FRMPD1: variants seen among roughly 807,000 people sequenced by gnomAD.
The protein encoded by FRMPD1 is FERM and PDZ domain-containing protein 1.
In FRMPD1, 76 loss-of-function variants were observed where a neutral mutation model predicts 117.8. The observed-to-expected ratio is 0.65, with a 90% confidence interval of 0.54 to 0.78. The LOEUF (loss-of-function observed/expected upper bound fraction) is 0.78. Among genes scored for constraint, FRMPD1 ranks in the 30% least tolerant of loss-of-function variants. The probability of loss-of-function intolerance (pLI) is 0.00; values close to 1 mark genes in which losing one functional copy is unlikely to be tolerated. For synonymous variants in FRMPD1, 783 were observed against 770.4 expected, an observed-to-expected ratio of 1.02 and a Z score of -0.27; for missense variants, 1,786 against 1,964.5, an observed-to-expected ratio of 0.91 and a Z score of 1.72.
chr9:37,647,881 T>C (rs909940628), upstream of FRMPD1, among the ~76,000 whole-genome samples: 1 of 152,198 alleles, frequency 6.6e-6, no homozygotes, highest in Non-Finnish European at 1.5e-5. Context: ...GAAGCAATAA[T>C]AGCTTATGTA....
chr9:37,715,018 G>A (rs889935269), intron 5 of FRMPD1, among the ~76,000 whole-genome samples: 3 of 152,126 alleles, frequency 2.0e-5, no homozygotes, highest in Non-Finnish European at 2.9e-5. Flanking sequence ...CATTGTTGTC[G>A]TGGTAGATTC....
the FRMPD1 span, among the ~76,000 whole-genome samples, chr9:37,605,930 G>C: frequency 1.4e-3 from 215 of 152,074 alleles, no homozygotes; most frequent in Non-Finnish European, 2.6e-3. Context: ...TGGTCTTGAA[G>C]TCCTGGGCTC....
At chr9:37,603,844 A>G in the FRMPD1 span, among the ~76,000 whole-genome samples, 1 of 151,968 alleles carries the variant, frequency 6.6e-6, no homozygotes, top group Non-Finnish European at 1.5e-5. Context: ...ACGCCCGGCT[A>G]ATTTTTTGTA....
chr9:37,727,104 C>A (rs1034404036), intron 7 of FRMPD1, among the ~76,000 whole-genome samples: 1 of 152,234 alleles, frequency 6.6e-6, no homozygotes, highest in Middle Eastern at 3.4e-3. Flanking sequence ...TTGGGATAAG[C>A]AGCAGAAGAT....
At chr9:37,716,359 G>T (rs1823118423) in intron 5 of FRMPD1, among the ~76,000 whole-genome samples, 2 of 152,180 alleles carry the variant, frequency 1.3e-5, no homozygotes, top group African/African-American at 4.8e-5. Context: ...CTGTCATGTT[G>T]CTTTTGCCCA....
At chr9:37,612,745 G>T in the FRMPD1 span, among the ~76,000 whole-genome samples, 1 of 152,174 alleles carries the variant, frequency 6.6e-6, no homozygotes, top group Non-Finnish European at 1.5e-5. Context: ...GCCCGCCTTG[G>T]CCTCCCAAAG....
intron 1 of FRMPD1, among the ~76,000 whole-genome samples, chr9:37,656,010 G>A (rs1030084708): frequency 2.0e-5 from 3 of 152,188 alleles, no homozygotes; most frequent in African/African-American, 4.8e-5. Flanking sequence ...TCATGGAGAA[G>A]TCATTACTGT....
the FRMPD1 span, among the ~76,000 whole-genome samples, chr9:37,637,990 TTC>T: frequency 1.6e-5 from 2 of 124,262 alleles, 1 homozygote; most frequent in Non-Finnish European, 3.4e-5. Flanking sequence ...CTTTCTTTCT[TTC>T]TTTCTTTCTT....
upstream of FRMPD1, among the ~76,000 whole-genome samples, chr9:37,646,576 G>C (rs1448171743): frequency 6.6e-6 from 1 of 151,992 alleles, no homozygotes; most frequent in Non-Finnish European, 1.5e-5. Flanking sequence ...CTTGTGTTCA[G>C]GTAAACAAAA....
chr9:37,605,745 C>T, the FRMPD1 span, among the ~76,000 whole-genome samples: 1 of 151,766 alleles, frequency 6.6e-6, no homozygotes, highest in Non-Finnish European at 1.5e-5. Flanking sequence ...GACAAGGTCT[C>T]ACTCTGTCAC....
intron 1 of FRMPD1, among the ~76,000 whole-genome samples, chr9:37,653,894 G>C (rs966776141): frequency 6.6e-6 from 1 of 152,122 alleles, no homozygotes; most frequent in Non-Finnish European, 1.5e-5. Context: ...AGTCTCACTC[G>C]AGACTGCGGT....
chr9:37,745,004 C>T lies in FRMPD1; in HGVS notation c.2972C>T (p.Pro991Leu), dbSNP rs1252568210. The change falls in exon 16 of 16, where the codon CCT (proline) becomes CTT (leucine). Residue 991 changes from proline to leucine, a missense_variant. By Grantham distance (98) the Pro-to-Leu change is moderately conservative. Transcript: ENST00000377765. Reference protein sequence around the residue: ...TAQARPSQILPLSQDLDGIAP... With the variant: ...TAQARPSQILLLSQDLDGIAP... Reference sequence around the variant, plus strand: ...CAGGCAAGGCCTTCCCAAATCTTACCTCTATCTCAAGACCTGGATGGGATT... The same window carrying T: ...CAGGCAAGGCCTTCCCAAATCTTACTTCTATCTCAAGACCTGGATGGGATT... 1.2e-6 allele frequency: 2 copies of T among 1,614,188 alleles called. No individual in the cohort carries two copies. Among genetic ancestry groups the T allele is most frequent in the African/African-American group, 1.3e-5 (1 of 75,048 alleles).
At chr9:37,617,731 C>A in the FRMPD1 span, among the ~76,000 whole-genome samples, 94 of 152,214 alleles carry the variant, frequency 6.2e-4, no homozygotes, top group African/African-American at 2.1e-3. Flanking sequence ...AAGATCCCTA[C>A]TGATGTAATT....
At chr9:37,676,825 G>C (rs1001414334) in intron 1 of FRMPD1, among the ~76,000 whole-genome samples, 1 of 152,102 alleles carries the variant, frequency 6.6e-6, no homozygotes, top group Non-Finnish European at 1.5e-5. Flanking sequence ...ACTCCCTATA[G>C]CATTTTAGAC....
At chr9:37,685,627 A>C (rs558732485) in intron 1 of FRMPD1, among the ~76,000 whole-genome samples, 1 of 151,966 alleles carries the variant, frequency 6.6e-6, no homozygotes, top group Non-Finnish European at 1.5e-5. Context: ...ACTACAGCCT[A>C]GGCGAGAAAG....
rs1173151194 is a variant in FRMPD1 at position 37,745,632 on chromosome 9, A to G, written c.3600A>G (p.Leu1200=). The G allele has an allele frequency of 2.5e-6, 4 of 1,614,046 alleles. No individual in the cohort carries two copies. Among genetic ancestry groups the G allele is most frequent in the East Asian group, 2.2e-5 (1 of 44,890 alleles). Residue 1200 remains leucine, a synonymous_variant, in exon 16 of 16, where the codon CTA becomes CTG. Coordinates refer to ENST00000377765, the MANE Select transcript of FRMPD1 (RefSeq NM_014907.3). ...GCTGCCAGGCTCAAGAACAAAAACT[A>G]TTCGTAGAGTTGGATTTAGACCCTG... ...GQGCQAQEQK[L]FVELDLDPDF...
upstream of FRMPD1, among the ~76,000 whole-genome samples, chr9:37,648,936 G>C (rs1237021547): frequency 1.3e-5 from 2 of 152,106 alleles, no homozygotes. Flanking sequence ...CCTGGTGAGA[G>C]TGAAGGGAGA....
At chr9:37,695,251 C>T (rs1431818316) in intron 2 of FRMPD1, among the ~76,000 whole-genome samples, 1 of 152,158 alleles carries the variant, frequency 6.6e-6, no homozygotes. Flanking sequence ...CCAGAGTGGC[C>T]ATACCATTCT....
At chr9:37,692,489 T>C (rs1317279251) in intron 1 of FRMPD1, 149 bp from the exon 2 acceptor site, 1 of 635,722 alleles carries the variant, frequency 1.6e-6, no homozygotes, top group African/African-American at 1.8e-5. Flanking sequence ...TGAGCACCTG[T>C]TTATGTTGAT....
Sources: gnomAD v4.1 joint callset for allele counts (sites outside exome capture counted in the v4.1 genomes callset) on GRCh38, gnomAD v4.1.1 for gene constraint, MANE v1.5 for transcripts, NCBI Gene and HGNC (gene_info 2026-07-23, HGNC 2026-07-21) for gene names.